Variants in TLN2 observed in about 807,000 individuals in gnomAD.
TLN2 encodes talin-2.
Under a neutral mutation model 294.7 loss-of-function variants are expected in TLN2, and 118 were observed. That is an observed-to-expected ratio of 0.40 (90% CI 0.34 to 0.47). TLN2 has a LOEUF of 0.47. Ranked by LOEUF, TLN2 falls within the 20% of genes least tolerant of loss-of-function variation. The pLI is 0.84. For missense variants in TLN2, 3,083 were observed against 3,282.2 expected (o/e 0.94, Z 1.48); for synonymous variants, 1,431 against 1,304.5 (o/e 1.10, Z -2.09).
intron 45 of TLN2, chr15:62,784,881 A>G (rs1419346457): frequency 1.3e-5 from 2 of 152,224 alleles, no homozygotes; most frequent in Non-Finnish European, 2.9e-5. Flanking sequence ...AGTGACAGTC[A>G]CTGTCCCCAA....
chr15:62,538,404 T>C (rs1339577726), intron 1 of TLN2, among the ~76,000 whole-genome samples: 1 of 152,226 alleles, frequency 6.6e-6, no homozygotes, highest in East Asian at 1.9e-4. Context: ...TTGTCATCAA[T>C]ACTTTGCATT....
At chr15:62,617,465 G>C (rs964866004) in intron 2 of TLN2, among the ~76,000 whole-genome samples, 1 of 152,156 alleles carries the variant, frequency 6.6e-6, no homozygotes, top group Non-Finnish European at 1.5e-5. Flanking sequence ...ATCCTTGTTT[G>C]CACATTTATA....
intron 50 of TLN2, among the ~76,000 whole-genome samples, chr15:62,802,862 G>A (rs558816071): frequency 5.3e-5 from 8 of 152,266 alleles, no homozygotes; most frequent in South Asian, 2.1e-4. Context: ...CCTGTTTGCC[G>A]TTTGTATGTC....
rs781758770 is a variant in TLN2, at chr15:62,763,672, A to T, written c.5071A>T (p.Thr1691Ser). The stretch of plus-strand genomic sequence containing the variant: ...GGCCGCCGTCAGCCAGAGCCTGGCC[A>T]CGAGGGACGACATCTCTGTGGAGGT... ...SLAAVSQSLA[T>S]RDDISVEALQ... The change falls in exon 40 of 59, where the codon ACG (threonine) becomes TCG (serine). Residue 1691 changes from threonine to serine, a missense_variant. Transcript: ENST00000636159. 1.6e-5 allele frequency: 26 copies of T among 1,611,100 alleles called. No individual in the cohort carries two copies. Among genetic ancestry groups the T allele is most frequent in the Non-Finnish European group, 2.2e-5 (26 of 1,178,888 alleles).
At position 62,738,194 on chromosome 15, in the gene TLN2, C is replaced by T. The variant is rs1245371835; in HGVS notation, c.3568-20C>T. On this transcript the variant is annotated intron_variant, in intron 29 of 58. Transcript: ENST00000636159. ...GAAATGTTTGTACTTAAAGGTGCTT[C>T]TCTCTCTCCACGAATTCAGGTGGCT... 6.2e-7 allele frequency: 1 copy of T among 1,612,720 alleles called. No homozygotes were observed. The highest frequency in any genetic ancestry group is 8.5e-7 in the Non-Finnish European group (1 of 1,179,378).
At chr15:62,595,659 A>AT (rs1274973107) in intron 2 of TLN2, among the ~76,000 whole-genome samples, 6 of 152,230 alleles carry the variant, frequency 3.9e-5, no homozygotes, top group Non-Finnish European at 7.3e-5. Flanking sequence ...TGGAATCAAC[A>AT]TAAGTGTCCA....
intron 20 of TLN2, among the ~76,000 whole-genome samples, chr15:62,708,206 G>C (rs1261543887): frequency 6.6e-6 from 1 of 152,152 alleles, no homozygotes; most frequent in Admixed American, 6.5e-5. Context: ...GGAAATCTCA[G>C]AAATTTCTCT....
At chr15:62,808,533 G>GTTCTC (rs1483377957) in intron 51 of TLN2, among the ~76,000 whole-genome samples, 1 of 152,162 alleles carries the variant, frequency 6.6e-6, no homozygotes, top group Non-Finnish European at 1.5e-5. Context: ...GTGCCACATT[G>GTTCTC]TTCTCCCAAA....
Position 62,707,044 on chromosome 15 carries a change from T to C in TLN2, c.2005-42T>C, listed in dbSNP as rs139925233. The C allele has an allele frequency of 6.1e-4, 956 of 1,561,662 alleles. 5 individuals are homozygous for C. The African/African-American group carries it at 0.012, about 19-fold the overall frequency. Reference sequence around the variant, plus strand: ...TTATTTTCAGGCTGTGAAAGGTGATTAGAGAAAAATAAATGAATAGTCTTT... The same window carrying C: ...TTATTTTCAGGCTGTGAAAGGTGATCAGAGAAAAATAAATGAATAGTCTTT... On this transcript the variant is annotated intron_variant, in intron 19 of 58. Transcript: ENST00000636159.
At chr15:62,427,409 T>C (rs2034773340) in intron 1 of TLN2, among the ~76,000 whole-genome samples, 1 of 152,096 alleles carries the variant, frequency 6.6e-6, no homozygotes, top group Admixed American at 6.5e-5. Context: ...CTAGTCCCTA[T>C]TCTGAGGTGT....
At chr15:62,486,529 A>G (rs2038414398) in intron 1 of TLN2, among the ~76,000 whole-genome samples, 1 of 124,992 alleles carries the variant, frequency 8.0e-6, no homozygotes, top group East Asian at 2.1e-4. Context: ...TTTGGTAGCT[A>G]TTTTGGTTTG....
At chr15:62,697,179 C>G (rs898672960) in intron 14 of TLN2, among the ~76,000 whole-genome samples, 2 of 152,156 alleles carry the variant, frequency 1.3e-5, no homozygotes, top group Non-Finnish European at 2.9e-5. Flanking sequence ...GCGATCATAG[C>G]TCACTGCAGC....
rs142933544 is a variant in TLN2 at position 62,610,838 on chromosome 15, C to T, written c.-161-7513C>T. Among the ~76,000 whole-genome samples, 460 of 152,306 alleles carry T rather than the reference C, an allele frequency of 3.0e-3. 4 individuals are homozygous for T. Among genetic ancestry groups the T allele is most frequent in the African/African-American group, 0.011 (437 of 41,562 alleles). ...TACAGGCTCTACAAATAATGAGGATCACCTGTGTATCTCTGTATGTGCACA... is the reference window on the plus strand; with the variant it reads ...TACAGGCTCTACAAATAATGAGGATTACCTGTGTATCTCTGTATGTGCACA... On this transcript the variant is annotated intron_variant, in intron 2 of 58. Coordinates refer to ENST00000636159, the MANE Select transcript of TLN2 (RefSeq NM_015059.3).
intron 42 of TLN2, among the ~76,000 whole-genome samples, chr15:62,772,716 G>A (rs994210252): frequency 6.6e-6 from 1 of 151,712 alleles, no homozygotes; most frequent in African/African-American, 2.4e-5. Context: ...AGCCTGGAGT[G>A]CAATGGCGCG....
chr15:62,777,251 GCCC>G (rs1278666897), intron 43 of TLN2, among the ~76,000 whole-genome samples: 6 of 151,862 alleles, frequency 4.0e-5, no homozygotes, highest in Non-Finnish European at 8.8e-5. Flanking sequence ...AGTGATTCCC[GCCC>G]GGCCGGGCGC....
intron 1 of TLN2, among the ~76,000 whole-genome samples, chr15:62,534,997 G>A (rs1432400917): frequency 6.6e-6 from 1 of 152,186 alleles, no homozygotes; most frequent in African/African-American, 2.4e-5. Flanking sequence ...CCTTTGCTCT[G>A]CCTAAGCTCT....
chr15:62,688,884 T>TATA (rs1305203090), intron 12 of TLN2, among the ~76,000 whole-genome samples: 1 of 152,160 alleles, frequency 6.6e-6, no homozygotes, highest in African/African-American at 2.4e-5. Flanking sequence ...TCAACTTGCA[T>TATA]ATACTGTTAT....
chr15:62,652,747 A>G (rs2052736811), intron 6 of TLN2, among the ~76,000 whole-genome samples: 1 of 152,134 alleles, frequency 6.6e-6, no homozygotes. Flanking sequence ...GTTCTACTAT[A>G]CGCGTGACTT....
At chr15:62,484,999 T>G (rs1482759328) in intron 1 of TLN2, among the ~76,000 whole-genome samples, 1 of 152,186 alleles carries the variant, frequency 6.6e-6, no homozygotes, top group Non-Finnish European at 1.5e-5. Flanking sequence ...CCATCTCTTT[T>G]GTTTTTTTAC....
Sources: gnomAD v4.1 joint callset for allele counts (sites outside exome capture counted in the v4.1 genomes callset) on GRCh38, gnomAD v4.1.1 for gene constraint, MANE v1.5 for transcripts, NCBI Gene and HGNC (gene_info 2026-07-23, HGNC 2026-07-21) for gene names.